The following BCAP29 variants were observed in gnomAD, a reference collection of about 807,000 sequenced individuals.
The protein encoded by BCAP29 is B cell receptor associated protein 29, also known as B-cell receptor-associated protein 29.
Under a neutral mutation model 31.8 loss-of-function variants are expected in BCAP29, and 34 were observed. The observed-to-expected ratio is 1.07, with a 90% CI of 0.81 to 1.42. The LOEUF (loss-of-function observed/expected upper bound fraction) is 1.42. Ranked by LOEUF, BCAP29 falls within the 40% of genes most tolerant of loss-of-function variation. The pLI is 0.00. For missense variants in BCAP29, 314 were observed against 269.2 expected (o/e 1.17, Z -1.16); for synonymous variants, 104 against 91.3 (o/e 1.14, Z -0.79).
At chr7:107,604,685 GTTTT>G (rs56875105) in intron 6 of BCAP29, among the ~76,000 whole-genome samples, 11 of 147,256 alleles carry the variant, frequency 7.5e-5, no homozygotes, top group African/African-American at 2.2e-4. Context: ...TGTTGTTGTT[GTTTT>G]TTTTTTTTTG....
intron 6 of BCAP29, among the ~76,000 whole-genome samples, chr7:107,609,342 T>A (rs1417748292): frequency 6.6e-6 from 1 of 151,850 alleles, no homozygotes; most frequent in Non-Finnish European, 1.5e-5. Flanking sequence ...TCTTAGAGGG[T>A]TTTTAGGCAC....
At chr7:107,622,412 TTTG>T (rs1170526679), downstream of BCAP29, 3 of 153,738 alleles carry the variant, frequency 2.0e-5, no homozygotes, top group Admixed American at 1.3e-4. Flanking sequence ...CCTGTTTCTT[TTTG>T]TTGTTCTTTC....
chr7:107,593,846 A>C (rs566434152), intron 3 of BCAP29, 109 bp from the exon 4 acceptor site: 59 of 1,137,096 alleles, frequency 5.2e-5, no homozygotes, highest in Admixed American at 5.1e-4. Flanking sequence ...GCCTCTGCCT[A>C]AAGTCCATTA....
intron 7 of BCAP29, chr7:107,613,767 A>G (rs770344229): frequency 1.3e-6 from 2 of 1,585,620 alleles, no homozygotes; most frequent in East Asian, 2.2e-5. Context: ...TGCCATATTC[A>G]TGCCAAAATG....
rs137995116 is a variant in BCAP29, at chr7:107,594,981, C to T, written c.344+876C>T. ...AGATGTACAATACATTCCACCCTTA[C>T]AGACCTTCACCATTTATTCATTCAT... On this transcript the variant is annotated intron_variant, in intron 4 of 7. Transcript: ENST00000005259. Among the ~76,000 whole-genome samples the T allele has an allele frequency of 4.2e-4, 64 of 152,312 alleles. No homozygotes were observed. In the East Asian group the frequency reaches 9.8e-3, roughly 23 times the overall value.
At chr7:107,600,537 G>C in intron 6 of BCAP29, 32 bp downstream of exon 6, 2 of 1,311,054 alleles carry the variant, frequency 1.5e-6, no homozygotes, top group Middle Eastern at 1.9e-4. Flanking sequence ...AAAGTAAAAA[G>C]ACTAGCATGA....
At chr7:107,612,080 C>T (rs927511050) in intron 6 of BCAP29, among the ~76,000 whole-genome samples, 1 of 152,062 alleles carries the variant, frequency 6.6e-6, no homozygotes, top group Admixed American at 6.6e-5. Context: ...ATGATGACTT[C>T]TCAAGAGAAA....
chr7:107,607,511 TATATC>T (rs143938755), intron 6 of BCAP29, among the ~76,000 whole-genome samples: 3,554 of 152,238 alleles, frequency 0.023, 137 homozygotes, highest in African/African-American at 0.081. Flanking sequence ...TCAATTTAAA[TATATC>T]ATAACTTTTA....
At chr7:107,622,033 G>A (rs1288071645), downstream of BCAP29, 2 of 439,852 alleles carry the variant, frequency 4.5e-6, no homozygotes, top group Non-Finnish European at 9.3e-6. Flanking sequence ...GTCAAAGATA[G>A]CCTTAGCCAT....
intron 3 of BCAP29, among the ~76,000 whole-genome samples, chr7:107,585,720 C>G (rs540471428): frequency 6.6e-6 from 1 of 152,100 alleles, no homozygotes; most frequent in Non-Finnish European, 1.5e-5. Flanking sequence ...CCGGGCGCGG[C>G]GGCTCACCTC....
At chr7:107,606,062 C>T (rs1812029290) in intron 6 of BCAP29, among the ~76,000 whole-genome samples, 1 of 152,148 alleles carries the variant, frequency 6.6e-6, no homozygotes, top group African/African-American at 2.4e-5. Context: ...CTTCCAAATA[C>T]CCAGGTAATC....
intron 3 of BCAP29, among the ~76,000 whole-genome samples, chr7:107,589,314 A>C (rs1808289931): frequency 6.6e-6 from 1 of 152,208 alleles, no homozygotes; most frequent in Non-Finnish European, 1.5e-5. Context: ...TAATGAAATA[A>C]TTATGCAACT....
At chr7:107,615,561 A>C in intron 7 of BCAP29, 1 of 278,468 alleles carries the variant, frequency 3.6e-6, no homozygotes, top group Non-Finnish European at 7.3e-6. Context: ...GCGCTTTTGC[A>C]CTCCAGCCTG....
chr7:107,581,006 A>G (rs552792165), intron 2 of BCAP29, 142 bp downstream of exon 2: 54 of 522,360 alleles, frequency 1.0e-4, no homozygotes, highest in African/African-American at 6.2e-4. Context: ...TAATGACAAT[A>G]TTAAAATAAC....
At chr7:107,582,327 T>C (rs888613982) in intron 2 of BCAP29, among the ~76,000 whole-genome samples, 3 of 152,212 alleles carry the variant, frequency 2.0e-5, no homozygotes, top group Non-Finnish European at 4.4e-5. Flanking sequence ...ATATGATATA[T>C]AAATGTGTTC....
Position 107,599,227 on chromosome 7 carries a change from T to TATATATAATTTTTA in BCAP29, c.481-1170_481-1169insATATATAATTTTTA, listed in dbSNP as rs1563133940. 4.6e-3 allele frequency among the ~76,000 whole-genome samples: 283 copies of TATATATAATTTTTA among 61,670 alleles called. 28 individuals are homozygous for TATATATAATTTTTA. The highest frequency in any genetic ancestry group is 0.03 in the African/African-American group (271 of 9,128). 40.5% of individuals were successfully genotyped at this position (61,670 alleles called of 152,430 possible). On this transcript the variant is annotated intron_variant, in intron 5 of 7. Coordinates refer to ENST00000005259, the MANE Select transcript of BCAP29 (RefSeq NM_018844.4). ...TATTTATAAATATATATATACATAA[T>TATATATAATTTTTA]TATATATATTTATATATAAATATAT...
chr7:107,616,014 G>A (rs1250268778), intron 7 of BCAP29: 1 of 152,318 alleles, frequency 6.6e-6, no homozygotes, highest in African/African-American at 2.4e-5. Flanking sequence ...TAACCACTAT[G>A]TTCTTTGGCC....
At chr7:107,593,891 TC>T in intron 3 of BCAP29, 63 bp from the exon 4 acceptor site, 1 of 1,494,308 alleles carries the variant, frequency 6.7e-7, no homozygotes, top group Non-Finnish European at 9.0e-7. Context: ...AAAACTGCTT[TC>T]CATTTTTAAC....
chr7:107,606,401 T>A (rs962861287), intron 6 of BCAP29, among the ~76,000 whole-genome samples: 4 of 152,262 alleles, frequency 2.6e-5, no homozygotes, highest in Admixed American at 2.6e-4. Context: ...TATTTATTTT[T>A]CATGAGAAAA....
Sources: gnomAD v4.1 joint callset for allele counts (sites outside exome capture counted in the v4.1 genomes callset) on GRCh38, gnomAD v4.1.1 for gene constraint, MANE v1.5 for transcripts, NCBI Gene and HGNC (gene_info 2026-07-23, HGNC 2026-07-21) for gene names.